TCF7L1: variants seen among roughly 807,000 people sequenced by gnomAD.
The protein encoded by TCF7L1 is transcription factor 7 like 1.
Under a neutral mutation model 63.7 loss-of-function variants are expected in TCF7L1, and 18 were observed. The ratio of observed to expected loss-of-function variants is 0.28; its 90% confidence interval spans 0.20 to 0.42. TCF7L1 has a LOEUF of 0.42. Ranked by LOEUF, TCF7L1 falls within the 10% of genes least tolerant of loss-of-function variation. TCF7L1 has a pLI of 1.00. For missense variants in TCF7L1, 654 were observed against 779.3 expected, an observed-to-expected ratio of 0.84 and a Z score of 1.91; for synonymous variants, 355 against 340.9, an observed-to-expected ratio of 1.04 and a Z score of -0.46.
At chr2:85,176,464 T>C (rs1678679186) in intron 3 of TCF7L1, among the ~76,000 whole-genome samples, 1 of 152,208 alleles carries the variant, frequency 6.6e-6, no homozygotes, top group Non-Finnish European at 1.5e-5. Flanking sequence ...TATTTAGCTG[T>C]TGTTTTCTCC....
At chr2:85,166,054 G>A (rs148070449) in intron 3 of TCF7L1, among the ~76,000 whole-genome samples, 80 of 152,278 alleles carry the variant, frequency 5.3e-4, no homozygotes, top group Non-Finnish European at 9.1e-4. Context: ...AAACTTGATC[G>A]GGAGGCAAAT....
Position 85,283,524 on chromosome 2 carries a change from T to C in TCF7L1, c.471T>C (p.Asp157=), listed in dbSNP as rs760628801. 2 of 1,614,172 alleles carry C rather than the reference T, an allele frequency of 1.2e-6. No individual in the cohort carries two copies. Among genetic ancestry groups the C allele is most frequent in the Admixed American group, 1.7e-5 (1 of 60,016 alleles). The change falls in exon 4 of 12, where the codon GAT becomes GAC. Residue 157 remains aspartate (D), a synonymous_variant. Coordinates refer to ENST00000282111, the MANE Select transcript of TCF7L1 (RefSeq NM_031283.3). Reference sequence around the variant, plus strand: ...TGCAGATGAAATGGCCCCTCCTCGATGTCCCCTCCAGCGCCACAGTCAAGG... The same window carrying C: ...TGCAGATGAAATGGCCCCTCCTCGACGTCCCCTCCAGCGCCACAGTCAAGG... ...TYLQMKWPLL[D]VPSSATVKDT...
rs766849156 is a variant in TCF7L1, at chr2:85,305,302, C to T, written c.888C>T (p.Ala296=). 8 of 1,613,872 alleles carry T rather than the reference C, an allele frequency of 5.0e-6. No homozygotes were observed. In the Admixed American group the frequency reaches 5.0e-5, roughly 10 times the overall value. The change falls in exon 8 of 12, where the codon GCC becomes GCT. Residue 296 remains alanine, a synonymous_variant. Transcript: ENST00000282111. ...SRFSPHMVAP[A]HPGLPTSGIP... ...TCTCTCCTCACATGGTGGCTCCTGC[C>T]CACCCTGGCCTGCCCACCTCAGGGA...
At chr2:85,263,887 G>C (rs1234851259) in intron 3 of TCF7L1, among the ~76,000 whole-genome samples, 1 of 152,238 alleles carries the variant, frequency 6.6e-6, no homozygotes, top group Non-Finnish European at 1.5e-5. Flanking sequence ...CAGCCGAAAG[G>C]GTGCCCCAGA....
intron 3 of TCF7L1, among the ~76,000 whole-genome samples, chr2:85,172,320 C>G (rs1459296528): frequency 6.6e-6 from 1 of 152,204 alleles, no homozygotes; most frequent in Non-Finnish European, 1.5e-5. Context: ...GTGGCCACCA[C>G]CCCCACACCA....
At chr2:85,226,976 G>C (rs1279556013) in intron 3 of TCF7L1, among the ~76,000 whole-genome samples, 1 of 152,118 alleles carries the variant, frequency 6.6e-6, no homozygotes, top group African/African-American at 2.4e-5. Context: ...TAGCACCGCT[G>C]CCGCCGTTTT....
chr2:85,206,469 C>A (rs1430974951), intron 3 of TCF7L1, among the ~76,000 whole-genome samples: 2 of 152,236 alleles, frequency 1.3e-5, no homozygotes, highest in African/African-American at 4.8e-5. Context: ...GCCACTAATT[C>A]ATTGACTGCC....
chr2:85,166,153 C>T (rs1574086785), intron 3 of TCF7L1, among the ~76,000 whole-genome samples: 3 of 152,342 alleles, frequency 2.0e-5, no homozygotes, highest in Admixed American at 2.0e-4. Flanking sequence ...AGTCACCTGT[C>T]TGGTCAGCCT....
chr2:85,301,184 T>A lies in TCF7L1; in HGVS notation c.526-1300T>A, dbSNP rs192629635. On this transcript the variant is annotated intron_variant, in intron 4 of 11. Transcript: ENST00000282111. ...TTCTCTGTGACAGATAAGTTTTACG[T>A]TTTGAGAAGGTTCTGGGAGAGACAG... 2.8e-4 allele frequency among the ~76,000 whole-genome samples: 43 copies of A among 152,342 alleles called. No individual in the cohort carries two copies. The East Asian group carries it at 6.9e-3, about 25-fold the overall frequency.
At chr2:85,145,656 G>A (rs372495520) in intron 3 of TCF7L1, among the ~76,000 whole-genome samples, 2 of 152,110 alleles carry the variant, frequency 1.3e-5, no homozygotes, top group African/African-American at 2.4e-5. Context: ...GAACCATCCC[G>A]CCCACCCAAC....
chr2:85,194,275 C>A (rs1679102407), intron 3 of TCF7L1, among the ~76,000 whole-genome samples: 2 of 152,102 alleles, frequency 1.3e-5, no homozygotes, highest in South Asian at 2.1e-4. Context: ...CACCTGTAAT[C>A]CCAGCACTTT....
intron 3 of TCF7L1, among the ~76,000 whole-genome samples, chr2:85,169,349 A>G (rs950185288): frequency 1.4e-5 from 2 of 147,498 alleles, no homozygotes; most frequent in Middle Eastern, 3.6e-3. Flanking sequence ...TGCTGTCCAC[A>G]GTTTCTTTCT....
At chr2:85,136,462 G>T (rs1410414178) in intron 3 of TCF7L1, among the ~76,000 whole-genome samples, 1 of 152,134 alleles carries the variant, frequency 6.6e-6, no homozygotes, top group Non-Finnish European at 1.5e-5. Flanking sequence ...CCTCCTTGAG[G>T]CAGCCAACCT....
intron 3 of TCF7L1, among the ~76,000 whole-genome samples, chr2:85,233,261 C>A (rs935729498): frequency 1.3e-5 from 2 of 151,722 alleles, no homozygotes; most frequent in Non-Finnish European, 2.9e-5. Context: ...TTTCTCCTGA[C>A]CTGAAGAGTC....
At chr2:85,287,878 A>G (rs1464267854) in intron 4 of TCF7L1, among the ~76,000 whole-genome samples, 3 of 152,108 alleles carry the variant, frequency 2.0e-5, no homozygotes, top group Admixed American at 6.6e-5. Context: ...ACCTCTTTCT[A>G]TTTATGCAGC....
intron 3 of TCF7L1, among the ~76,000 whole-genome samples, chr2:85,200,160 C>T (rs892778306): frequency 7.9e-5 from 12 of 152,248 alleles, no homozygotes; most frequent in Non-Finnish European, 1.5e-4. Flanking sequence ...CATTGGTGGA[C>T]GTTGGGGTTG....
intron 3 of TCF7L1, among the ~76,000 whole-genome samples, chr2:85,273,197 TC>T (rs1681194373): frequency 6.6e-6 from 1 of 152,202 alleles, no homozygotes; most frequent in Non-Finnish European, 1.5e-5. Context: ...CAGCCTCAGC[TC>T]CTTCTCTCTG....
chr2:85,193,411 G>A (rs1388358408), intron 3 of TCF7L1, among the ~76,000 whole-genome samples: 1 of 152,164 alleles, frequency 6.6e-6, no homozygotes, highest in Non-Finnish European at 1.5e-5. Flanking sequence ...AGGGCCGGGT[G>A]CAGTGGCTCA....
chr2:85,176,311 A>T (rs551113160), intron 3 of TCF7L1, among the ~76,000 whole-genome samples: 1 of 152,356 alleles, frequency 6.6e-6, no homozygotes, highest in Non-Finnish European at 1.5e-5. Context: ...GTATGAAATG[A>T]GATCTGGAAG....
Sources: allele counts gnomAD v4.1 joint callset (sites outside exome capture counted in the v4.1 genomes callset), GRCh38; gene constraint gnomAD v4.1.1; transcripts MANE v1.5; gene names NCBI Gene and HGNC (gene_info 2026-07-23, HGNC 2026-07-21).